Variants in MTMR8 observed in about 807,000 individuals in gnomAD.
MTMR8 encodes myotubularin related protein 8, also known as phosphatidylinositol-3,5-bisphosphate 3-phosphatase MTMR8.
A neutral mutation model predicts 39.3 loss-of-function variants in MTMR8; 65 were observed. That is an observed-to-expected ratio of 1.65 (90% confidence interval 1.35 to 2.03). The LOEUF is 2.03. Ranked by LOEUF, MTMR8 falls within the 30% of genes most tolerant of loss-of-function variation. The pLI, the probability that MTMR8 is intolerant of heterozygous loss-of-function variation, is 0.00. For missense variants in MTMR8, 777 were observed against 538.9 expected, an observed-to-expected ratio of 1.44 and a Z score of -4.37; for synonymous variants, 245 against 185.2, an observed-to-expected ratio of 1.32 and a Z score of -2.62.
At chrX:64,354,610 C>T (rs1232718827) in intron 4 of MTMR8, among the ~76,000 whole-genome samples, 167 bp downstream of exon 4, 1 of 111,586 alleles carries the variant, frequency 9.0e-6, no homozygotes, top group Non-Finnish European at 1.9e-5. Context: ...TTACTCAGTG[C>T]CTATTGCACT....
At chrX:64,304,174 C>T (rs922497531) in intron 12 of MTMR8, among the ~76,000 whole-genome samples, 2 of 111,935 alleles carry the variant, frequency 1.8e-5, no homozygotes, top group Non-Finnish European at 3.8e-5. Flanking sequence ...TAAAAACTTA[C>T]AGGGGCGGGG....
At chrX:64,274,002 G>A (rs1392986937) in intron 12 of MTMR8, among the ~76,000 whole-genome samples, 2 of 111,728 alleles carry the variant, frequency 1.8e-5, no homozygotes, top group African/African-American at 6.5e-5. Flanking sequence ...CAGAAATACA[G>A]TAATAGATTA....
chrX:64,367,185 G>A (rs946904764), intron 1 of MTMR8, among the ~76,000 whole-genome samples: 11 of 111,852 alleles, frequency 9.8e-5, no homozygotes, highest in African/African-American at 3.6e-4. Context: ...GAGGTAAAAA[G>A]AGGAGCTGGC....
chrX:64,352,969 G>C (rs1444415211), intron 4 of MTMR8, among the ~76,000 whole-genome samples: 1 of 111,010 alleles, frequency 9.0e-6, no homozygotes. Flanking sequence ...CCTTAATTTG[G>C]TCACGAAGCG....
intron 12 of MTMR8, among the ~76,000 whole-genome samples, chrX:64,281,849 A>G (rs1932021464): frequency 9.1e-6 from 1 of 110,438 alleles, no homozygotes; most frequent in Non-Finnish European, 1.9e-5. Context: ...ACAAATTTAC[A>G]AGGAACTTAA....
intron 12 of MTMR8, among the ~76,000 whole-genome samples, chrX:64,273,478 TAAAC>T (rs759940579): frequency 1.1e-4 from 11 of 99,116 alleles, no homozygotes; most frequent in East Asian, 3.2e-4. Flanking sequence ...ATATAAAAAC[TAAAC>T]AAACAAACAA....
At chrX:64,316,900 G>T (rs1922482110) in intron 12 of MTMR8, among the ~76,000 whole-genome samples, 1 of 109,050 alleles carries the variant, frequency 9.2e-6, no homozygotes, top group East Asian at 2.9e-4. Flanking sequence ...CACTTGAGGT[G>T]AGGAGTTCGA....
chrX:64,287,648 C>T (rs1182006523), intron 12 of MTMR8, among the ~76,000 whole-genome samples: 1 of 110,013 alleles, frequency 9.1e-6, no homozygotes, highest in African/African-American at 3.3e-5. Context: ...ACAGAGCCCT[C>T]AGAAATAATA....
intron 6 of MTMR8, among the ~76,000 whole-genome samples, chrX:64,348,332 T>A (rs1923395619): frequency 9.0e-6 from 1 of 111,006 alleles, no homozygotes; most frequent in Non-Finnish European, 1.9e-5. Context: ...ACAGTAAATC[T>A]AGACCACAGA....
chrX:64,331,896 A>C lies in MTMR8; in HGVS notation c.1152-139T>G, dbSNP rs922670165. The C allele has an allele frequency of 8.0e-6, 4 of 502,877 alleles. No homozygotes were observed. In the East Asian group the frequency reaches 1.5e-4, roughly 19 times the overall value. The allele number at this position is 502,877 out of a possible 1,213,427, so 41.4% of individuals were successfully genotyped here. A position where few individuals can be genotyped will look rare whatever the true frequency, so the allele number is the denominator to read the frequency against. ...CACCTCATACCAAAATGCCAGCCAG[A>C]ATCTCAAAGCTAGTCAATCCCAGCA... is the stretch of plus-strand genomic sequence containing the variant. On this transcript the variant is annotated intron_variant, in intron 10 of 13. Coordinates refer to ENST00000374852, the MANE Select transcript of MTMR8 (RefSeq NM_017677.4).
intron 1 of MTMR8, among the ~76,000 whole-genome samples, chrX:64,374,826 C>T (rs1340342051): frequency 9.1e-6 from 1 of 109,858 alleles, no homozygotes; most frequent in Non-Finnish European, 1.9e-5. Flanking sequence ...TTATAACAGA[C>T]AGAGAGGAGA....
At chrX:64,364,462 G>A (rs774493912) in intron 1 of MTMR8, among the ~76,000 whole-genome samples, 2 of 111,943 alleles carry the variant, frequency 1.8e-5, no homozygotes, top group Non-Finnish European at 3.8e-5. Context: ...GTGATACCCA[G>A]GCAAACAGGG....
intron 2 of MTMR8, 24 bp from the exon 3 acceptor site, chrX:64,356,362 G>T (rs779646266): frequency 8.5e-7 from 1 of 1,179,339 alleles, no homozygotes; most frequent in Admixed American, 2.4e-5. Context: ...AAGAACCAGC[G>T]TAAACATACA....
At chrX:64,330,927 A>G (rs781754636) in intron 11 of MTMR8, among the ~76,000 whole-genome samples, 104 of 111,926 alleles carry the variant, frequency 9.3e-4, no homozygotes, top group Non-Finnish European at 1.8e-3. Flanking sequence ...GCAACTAGGC[A>G]TAAGAATGAC....
chrX:64,312,788 G>A (rs941078224), intron 12 of MTMR8, among the ~76,000 whole-genome samples: 4 of 112,060 alleles, frequency 3.6e-5, no homozygotes, highest in African/African-American at 9.7e-5. Flanking sequence ...TTATGTTAGC[G>A]GCCATGAAAA....
chrX:64,367,272 A>G (rs1923993055), intron 1 of MTMR8, among the ~76,000 whole-genome samples: 1 of 112,114 alleles, frequency 8.9e-6, no homozygotes, highest in Non-Finnish European at 1.9e-5. Flanking sequence ...GGCCAGCATC[A>G]TCCTGATAAC....
chrX:64,386,003 A>G lies in MTMR8; in HGVS notation c.24+9337T>C, dbSNP rs142740565. Among the ~76,000 whole-genome samples, 258 of 111,000 alleles carry G rather than the reference A, an allele frequency of 2.3e-3. 2 individuals are homozygous for G. Among genetic ancestry groups the G allele is most frequent in the African/African-American group, 8.0e-3 (244 of 30,525 alleles). ...AAACTGAAACTTTAAAGAAACATAC[A>G]GATCCCCAAACGGACCAGTTTTTCC... On this transcript the variant is annotated intron_variant, in intron 1 of 13. Coordinates refer to ENST00000374852, the MANE Select transcript of MTMR8 (RefSeq NM_017677.4).
intron 12 of MTMR8, among the ~76,000 whole-genome samples, chrX:64,327,218 G>C (rs1325308834): frequency 9.0e-6 from 1 of 111,511 alleles, no homozygotes; most frequent in African/African-American, 3.3e-5. Flanking sequence ...CTGCTGCACA[G>C]TAAAGGAAAC....
At chrX:64,276,113 T>G (rs187335895) in intron 12 of MTMR8, among the ~76,000 whole-genome samples, 1,259 of 111,982 alleles carry the variant, frequency 0.011, 18 homozygotes, top group African/African-American at 0.039. Context: ...CTATCTATTT[T>G]GTTGATCTTT....
Sources: allele counts gnomAD v4.1 joint callset (sites outside exome capture counted in the v4.1 genomes callset), GRCh38; gene constraint gnomAD v4.1.1; transcripts MANE v1.5; gene names NCBI Gene and HGNC (gene_info 2026-07-23, HGNC 2026-07-21).